DNAH11: variants seen among roughly 807,000 people sequenced by gnomAD.
DNAH11 encodes the protein dynein axonemal heavy chain 11, also known as axonemal beta dynein heavy chain 11.
DNAH11 carries 442 observed loss-of-function variants against 526.0 expected under a neutral mutation model. The ratio of observed to expected loss-of-function variants is 0.84; its 90% CI spans 0.78 to 0.91. The LOEUF (loss-of-function observed/expected upper bound fraction) is 0.91. Ranked by LOEUF, DNAH11 falls within the 40% of genes least tolerant of loss-of-function variation. The pLI is 0.00. For missense variants in DNAH11, 6,989 were observed against 5,448.7 expected (o/e 1.28, Z -8.90); for synonymous variants, 2,461 against 1,935.9 (o/e 1.27, Z -7.12).
At chr7:21,549,047 T>G (rs1423550275) in intron 2 of DNAH11, among the ~76,000 whole-genome samples, 1 of 152,064 alleles carries the variant, frequency 6.6e-6, no homozygotes, top group East Asian at 1.9e-4. Flanking sequence ...CTGTCTAATT[T>G]TTTGTATTTT....
At chr7:21,770,416 C>T (rs1026190079) in intron 55 of DNAH11, among the ~76,000 whole-genome samples, 1 of 152,182 alleles carries the variant, frequency 6.6e-6, no homozygotes, top group African/African-American at 2.4e-5. Flanking sequence ...GAATTTTCCA[C>T]CTGTGGTGTT....
At chr7:21,748,248 C>G (rs1036995057) in intron 51 of DNAH11, among the ~76,000 whole-genome samples, 7 of 152,156 alleles carry the variant, frequency 4.6e-5, no homozygotes, top group Non-Finnish European at 8.8e-5. Context: ...CTTTGGGAGG[C>G]CAAGGCGGGT....
intron 43 of DNAH11, among the ~76,000 whole-genome samples, chr7:21,719,027 G>C (rs1438977357): frequency 6.6e-6 from 1 of 152,038 alleles, no homozygotes; most frequent in Non-Finnish European, 1.5e-5. Context: ...GCATTATCGT[G>C]TTCTTTCTCA....
chr7:21,875,181 T>C (rs980281116), intron 74 of DNAH11, among the ~76,000 whole-genome samples: 2 of 152,234 alleles, frequency 1.3e-5, no homozygotes, highest in African/African-American at 4.8e-5. Flanking sequence ...ATCTGCAATA[T>C]GCCTTATTTA....
intron 41 of DNAH11, among the ~76,000 whole-genome samples, chr7:21,711,212 G>T (rs528578835): frequency 1.3e-5 from 2 of 152,272 alleles, no homozygotes; most frequent in South Asian, 4.1e-4. Context: ...CACAGGGTCT[G>T]TTGTTGGGGT....
intron 61 of DNAH11, among the ~76,000 whole-genome samples, chr7:21,796,193 T>C (rs578146381): frequency 5.1e-4 from 78 of 152,330 alleles, no homozygotes; most frequent in African/African-American, 1.8e-3. Flanking sequence ...TGAATAGTAG[T>C]TGTATTTTCT....
chr7:21,897,784 C>T (rs1232874124), intron 79 of DNAH11, among the ~76,000 whole-genome samples: 1 of 151,928 alleles, frequency 6.6e-6, no homozygotes. Flanking sequence ...GCCCGGCCAA[C>T]TTTGTTATTT....
chr7:21,700,246 G>A (rs893051240), intron 36 of DNAH11, among the ~76,000 whole-genome samples: 1 of 152,170 alleles, frequency 6.6e-6, no homozygotes. Flanking sequence ...AACAAAGAAG[G>A]AAAGAGTTTG....
Position 21,779,055 on chromosome 7 carries a change from C to A in DNAH11, c.9434C>A (p.Thr3145Lys), listed in dbSNP as rs185195859. The A allele has an allele frequency of 1.5e-5, 25 of 1,613,318 alleles. No homozygotes were observed. Among genetic ancestry groups the A allele is most frequent in the East Asian group, 2.2e-5 (1 of 44,834 alleles). ...CTGATCACAAAGATCGGCCTTCAGA[C>A]GGAGAAAGTGAGCCGGGAAAAGACC... is the stretch of plus-strand genomic sequence containing the variant. ...EALITKIGLQ[T>K]EKVSREKTIA... Residue 3145 changes from threonine (T) to lysine (K), a missense_variant, in exon 57 of 82, where the codon ACG (threonine) becomes AAG (lysine). Physicochemically the swap from Thr to Lys is moderately conservative, Grantham distance 78 (BLOSUM62 -1). Transcript: ENST00000409508.
intron 19 of DNAH11, 33 bp from the exon 20 acceptor site, chr7:21,606,614 A>ATTTT: frequency 3.6e-6 from 4 of 1,126,648 alleles, no homozygotes; most frequent in South Asian, 3.2e-5. Flanking sequence ...TTTGAAATTC[A>ATTTT]CTTTTTTTTT....
chr7:21,767,209 C>A (rs1418061871), intron 55 of DNAH11, among the ~76,000 whole-genome samples: 1 of 152,088 alleles, frequency 6.6e-6, no homozygotes, highest in Non-Finnish European at 1.5e-5. Flanking sequence ...CAGTATGTAT[C>A]TTCTGATAGC....
intron 54 of DNAH11, among the ~76,000 whole-genome samples, chr7:21,762,802 C>T (rs544268263): frequency 6.6e-6 from 1 of 152,190 alleles, no homozygotes; most frequent in Non-Finnish European, 1.5e-5. Context: ...TCAGAAGATT[C>T]ATCTTGGCAA....
intron 44 of DNAH11, among the ~76,000 whole-genome samples, chr7:21,721,512 G>A (rs1032173505): frequency 3.4e-4 from 52 of 152,158 alleles, no homozygotes; most frequent in African/African-American, 1.3e-3. Context: ...GGGACCAAAA[G>A]TCCAAGATTA....
chr7:21,656,114 T>C, intron 29 of DNAH11, 133 bp downstream of exon 29: 1 of 1,000,774 alleles, frequency 1.0e-6, no homozygotes, highest in Non-Finnish European at 1.4e-6. Context: ...CGGAGGTTCC[T>C]TTTTATCTGT....
intron 73 of DNAH11, among the ~76,000 whole-genome samples, 167 bp from the exon 74 acceptor site, chr7:21,873,107 T>C (rs145356198): frequency 6.6e-6 from 1 of 151,300 alleles, no homozygotes; most frequent in East Asian, 1.9e-4. Flanking sequence ...TTTTTTTTGA[T>C]GTATTGATGT....
Position 21,600,540 on chromosome 7 carries a change from T to C in DNAH11, c.3001-136T>C, listed in dbSNP as rs534510097. 15 of 1,050,876 alleles carry C rather than the reference T, an allele frequency of 1.4e-5. No homozygotes were observed. The African/African-American group carries it at 1.8e-4, about 12-fold the overall frequency. 65.1% of individuals were successfully genotyped at this position (1,050,876 alleles called of 1,614,324 possible). ...ATGGGAAGCACAGGGAAAAGAGAAG[T>C]TGGAAAAAGCAACATGATTTTTAAT... is the stretch of plus-strand genomic sequence containing the variant. On this transcript the variant is annotated intron_variant, in intron 15 of 81. Transcript: ENST00000409508.
At chr7:21,707,901 A>C in intron 40 of DNAH11, 66 bp downstream of exon 40, 1 of 1,486,114 alleles carries the variant, frequency 6.7e-7, no homozygotes, top group Non-Finnish European at 9.0e-7. Context: ...TTTCAGTACA[A>C]GCCAATTTTA....
intron 34 of DNAH11, among the ~76,000 whole-genome samples, chr7:21,688,949 G>A (rs369360423): frequency 3.2e-4 from 48 of 152,284 alleles, no homozygotes; most frequent in African/African-American, 1.1e-3. Context: ...ATTTTTCTCA[G>A]CTAGCTTGTC....
intron 43 of DNAH11, among the ~76,000 whole-genome samples, chr7:21,718,269 C>T (rs1295455974): frequency 6.6e-6 from 1 of 152,086 alleles, no homozygotes; most frequent in Non-Finnish European, 1.5e-5. Context: ...GTGTTCCTTT[C>T]CAGTGTCTTT....
Sources: gnomAD v4.1 joint callset for allele counts (sites outside exome capture counted in the v4.1 genomes callset) on GRCh38, gnomAD v4.1.1 for gene constraint, MANE v1.5 for transcripts, NCBI Gene and HGNC (gene_info 2026-07-23, HGNC 2026-07-21) for gene names.